Variants in CREB5 observed in about 807,000 individuals in gnomAD.
The protein encoded by CREB5 is cyclic AMP-responsive element-binding protein 5.
Under a neutral mutation model 57.1 loss-of-function variants are expected in CREB5, and 19 were observed. The observed-to-expected ratio is 0.33, with a 90% CI of 0.23 to 0.49. The LOEUF (loss-of-function observed/expected upper bound fraction) is 0.49, where lower values mean the gene tolerates loss of function less well. Among genes scored for constraint, CREB5 ranks in the 20% least tolerant of loss-of-function variants. The pLI is 0.99. For synonymous variants in CREB5, 238 were observed against 238.3 expected (o/e 1.00, Z 0.01); for missense variants, 579 against 671.6 (o/e 0.86, Z 1.52).
intron 1 of CREB5, among the ~76,000 whole-genome samples, chr7:28,429,052 A>T (rs930648890): frequency 1.3e-5 from 2 of 152,048 alleles, no homozygotes; most frequent in Non-Finnish European, 2.9e-5. Context: ...TTGAGATGGA[A>T]TCTCACTCTG....
At chr7:28,438,315 C>T (rs565684317) in intron 1 of CREB5, among the ~76,000 whole-genome samples, 27 of 152,070 alleles carry the variant, frequency 1.8e-4, no homozygotes, top group African/African-American at 6.0e-4. Flanking sequence ...ACTCCAAAAA[C>T]GGGCAGGGTA....
At chr7:28,716,908 C>T (rs192480417) in intron 5 of CREB5, among the ~76,000 whole-genome samples, 35 of 152,168 alleles carry the variant, frequency 2.3e-4, no homozygotes, top group South Asian at 1.7e-3. Flanking sequence ...TCCAGAGTTC[C>T]AAGAGTACAT....
chr7:28,326,248 C>A (rs559748090), intron 1 of CREB5, among the ~76,000 whole-genome samples: 1 of 152,154 alleles, frequency 6.6e-6, no homozygotes, highest in East Asian at 1.9e-4. Context: ...CACACTGATA[C>A]CCACAGTTCC....
intron 5 of CREB5, among the ~76,000 whole-genome samples, chr7:28,683,578 T>C (rs1477657425): frequency 6.6e-6 from 1 of 152,132 alleles, no homozygotes; most frequent in East Asian, 1.9e-4. Context: ...ACTGTACCCA[T>C]TGGCGATGTC....
chr7:28,519,265 T>C (rs928389775), intron 4 of CREB5, among the ~76,000 whole-genome samples: 2 of 152,158 alleles, frequency 1.3e-5, no homozygotes, highest in Non-Finnish European at 2.9e-5. Context: ...GTGTATATGT[T>C]TTAGGCACAT....
chr7:28,739,513 A>C (rs1804217701), intron 7 of CREB5, among the ~76,000 whole-genome samples: 1 of 152,234 alleles, frequency 6.6e-6, no homozygotes, highest in African/African-American at 2.4e-5. Context: ...TTATTCAAGA[A>C]GCATTTATTA....
chr7:28,507,818 A>G (rs1161403939), intron 4 of CREB5, 81 bp downstream of exon 4: 5 of 1,429,816 alleles, frequency 3.5e-6, no homozygotes, highest in Non-Finnish European at 4.7e-6. Context: ...TGCACTGCAG[A>G]TTGTGTTGAT....
At chr7:28,306,450 A>C (rs1256585764) in intron 1 of CREB5, among the ~76,000 whole-genome samples, 4 of 151,618 alleles carry the variant, frequency 2.6e-5, no homozygotes, top group Non-Finnish European at 5.9e-5. Context: ...CTGCCAGGGT[A>C]GACTCCCAAA....
intron 1 of CREB5, among the ~76,000 whole-genome samples, chr7:28,459,793 T>A (rs1472055271): frequency 6.6e-6 from 1 of 152,196 alleles, no homozygotes; most frequent in Admixed American, 6.5e-5. Flanking sequence ...CTGTTTTCAT[T>A]AATTAATGTT....
At chr7:28,512,339 G>C (rs1398718524) in intron 4 of CREB5, among the ~76,000 whole-genome samples, 2 of 152,056 alleles carry the variant, frequency 1.3e-5, no homozygotes. Context: ...GCATGAGCTG[G>C]GCGGAATCTT....
At position 28,520,551 on chromosome 7, in the gene CREB5, C is replaced by T. The variant is rs573290011; in HGVS notation, c.291+12814C>T. Among the ~76,000 whole-genome samples the T allele has an allele frequency of 2.6e-5, 4 of 152,366 alleles. No homozygotes were observed. The East Asian group carries it at 7.7e-4, about 29-fold the overall frequency. On this transcript the variant is annotated intron_variant, in intron 4 of 10. Coordinates refer to ENST00000357727, the MANE Select transcript of CREB5 (RefSeq NM_182898.4). ...ACGGCTGTTTGGTGATTCTGTGTCA[C>T]TGGGCTGACTGTAAAATCAGGCATA...
intron 7 of CREB5, among the ~76,000 whole-genome samples, chr7:28,740,669 C>T (rs909406624): frequency 2.0e-5 from 3 of 152,154 alleles, no homozygotes; most frequent in African/African-American, 7.2e-5. Flanking sequence ...AACAGTTTTC[C>T]AGATCCCTCT....
chr7:28,725,645 T>TA (rs1554291840), intron 7 of CREB5, among the ~76,000 whole-genome samples: 227 of 112,392 alleles, frequency 2.0e-3, no homozygotes, highest in East Asian at 0.011. Context: ...TATCTTTTTT[T>TA]AAAAAAAAAA....
chr7:28,421,395 G>A (rs1353971406), intron 1 of CREB5, among the ~76,000 whole-genome samples: 1 of 152,024 alleles, frequency 6.6e-6, no homozygotes, highest in Non-Finnish European at 1.5e-5. Flanking sequence ...ATTTCCATAG[G>A]TTTTGGGGGA....
At chr7:28,643,573 G>C (rs764329470) in intron 5 of CREB5, among the ~76,000 whole-genome samples, 1 of 152,084 alleles carries the variant, frequency 6.6e-6, no homozygotes, top group Non-Finnish European at 1.5e-5. Flanking sequence ...TCCTGTGTTT[G>C]CTCATCTGTA....
At chr7:28,780,636 C>T (rs1023209490) in intron 7 of CREB5, among the ~76,000 whole-genome samples, 2 of 152,130 alleles carry the variant, frequency 1.3e-5, no homozygotes, top group Non-Finnish European at 2.9e-5. Flanking sequence ...GCACGAGAAT[C>T]ACTTGAACCT....
intron 5 of CREB5, among the ~76,000 whole-genome samples, chr7:28,600,053 A>G (rs1796855117): frequency 6.6e-6 from 1 of 152,076 alleles, no homozygotes. Flanking sequence ...GGTGGACAGC[A>G]GCACTTAGAT....
intron 1 of CREB5, among the ~76,000 whole-genome samples, chr7:28,416,097 A>G (rs1290989954): frequency 1.3e-5 from 2 of 152,202 alleles, no homozygotes. Flanking sequence ...AAGATGGGGA[A>G]TAACAATGTC....
intron 5 of CREB5, chr7:28,615,885 G>A (rs920198697): frequency 4.6e-5 from 7 of 152,164 alleles, no homozygotes; most frequent in Admixed American, 2.6e-4. Context: ...ACAGGGCCCC[G>A]GAGTAGCAAC....
Sources: gnomAD v4.1 joint callset for allele counts (sites outside exome capture counted in the v4.1 genomes callset) on GRCh38, gnomAD v4.1.1 for gene constraint, MANE v1.5 for transcripts, NCBI Gene and HGNC (gene_info 2026-07-23, HGNC 2026-07-21) for gene names.